The following ITGA8 variants were observed in gnomAD, a reference collection of about 807,000 sequenced individuals.
ITGA8 encodes integrin subunit alpha 8, also known as integrin alpha-8.
In ITGA8, 91 loss-of-function variants were observed where a neutral mutation model predicts 142.3. The observed-to-expected ratio is 0.64, with a 90% CI of 0.54 to 0.76. ITGA8 has a LOEUF of 0.76. Among genes scored for constraint, ITGA8 ranks in the 30% least tolerant of loss-of-function variants. The probability of loss-of-function intolerance (pLI) is 0.00; values close to 1 mark genes in which losing one functional copy is unlikely to be tolerated. For missense variants in ITGA8, 1,406 were observed against 1,327.7 expected (o/e 1.06, Z -0.92); for synonymous variants, 505 against 485.2 (o/e 1.04, Z -0.54).
chr10:15,689,687 G>A (rs572336362), intron 2 of ITGA8, among the ~76,000 whole-genome samples: 28 of 152,282 alleles, frequency 1.8e-4, no homozygotes, highest in African/African-American at 6.0e-4. Flanking sequence ...AGTGCATCCC[G>A]CTCTGGGGGC....
At chr10:15,710,060 A>T (rs1297024695) in intron 2 of ITGA8, among the ~76,000 whole-genome samples, 1 of 152,100 alleles carries the variant, frequency 6.6e-6, no homozygotes, top group East Asian at 1.9e-4. Flanking sequence ...TTCATTTAGA[A>T]TTTTTTTGTG....
At chr10:15,661,230 G>A (rs527835511) in intron 8 of ITGA8, among the ~76,000 whole-genome samples, 5 of 152,222 alleles carry the variant, frequency 3.3e-5, no homozygotes, top group South Asian at 2.1e-4. Context: ...GTGGCATTAT[G>A]TTCTCACCAG....
chr10:15,616,442 T>G, intron 14 of ITGA8, 72 bp downstream of exon 14: 2 of 1,159,966 alleles, frequency 1.7e-6, no homozygotes, highest in South Asian at 2.5e-5. Flanking sequence ...GAATGCTCTC[T>G]TTAAGGCAGA....
chr10:15,631,558 T>G (rs1833685770), intron 13 of ITGA8, among the ~76,000 whole-genome samples: 1 of 151,164 alleles, frequency 6.6e-6, no homozygotes. Context: ...ACATACCGGG[T>G]CCTGTTGAGG....
At chr10:15,631,791 C>T (rs1168743174) in intron 13 of ITGA8, among the ~76,000 whole-genome samples, 1 of 150,444 alleles carries the variant, frequency 6.6e-6, no homozygotes, top group East Asian at 1.9e-4. Context: ...CTAGCCCCAC[C>T]CCCCCCAAAA....
At chr10:15,620,160 A>G (rs1833462623) in intron 13 of ITGA8, among the ~76,000 whole-genome samples, 1 of 152,254 alleles carries the variant, frequency 6.6e-6, no homozygotes, top group African/African-American at 2.4e-5. Flanking sequence ...GACTTCATAA[A>G]TGCCTGATTA....
In ITGA8 at chr10:15,605,725, G is replaced by T. The variant is rs1005376594; in HGVS notation, c.1969C>A (p.Pro657Thr). 6.2e-7 allele frequency: 1 copy of T among 1,611,462 alleles called. No homozygotes were observed. The highest frequency in any genetic ancestry group is 2.2e-5 in the East Asian group (1 of 44,850). Residue 657 changes from proline to threonine, a missense_variant and splice_region_variant, in exon 19 of 30, where the codon CCA (proline) becomes ACA (threonine). Transcript: ENST00000378076. ...CVPDLKLSARPDKHQVIIGDE... is the reference protein window; with the variant it reads ...CVPDLKLSARTDKHQVIIGDE... Reference sequence around the variant, plus strand: ...ACACATTTAGTTATTTAAACTTACGGTCTAGCCGACAGCTTCAAGTCAGGA... The same window carrying T: ...ACACATTTAGTTATTTAAACTTACGTTCTAGCCGACAGCTTCAAGTCAGGA...
intron 23 of ITGA8, among the ~76,000 whole-genome samples, chr10:15,575,958 T>A (rs1834286254): frequency 6.6e-6 from 1 of 150,684 alleles, no homozygotes; most frequent in African/African-American, 2.5e-5. Context: ...TGTGTGTGTG[T>A]GTGTGAGTGT....
At chr10:15,639,401 C>G (rs926299462) in intron 13 of ITGA8, among the ~76,000 whole-genome samples, 1 of 152,194 alleles carries the variant, frequency 6.6e-6, no homozygotes, top group African/African-American at 2.4e-5. Flanking sequence ...GCACAGATCT[C>G]TCATCCCCAT....
intron 2 of ITGA8, among the ~76,000 whole-genome samples, chr10:15,704,928 G>C (rs577310151): frequency 1.3e-5 from 2 of 152,174 alleles, no homozygotes; most frequent in Admixed American, 6.5e-5. Flanking sequence ...TCTCATGCCT[G>C]CTGCCAAAAG....
At chr10:15,629,446 T>C (rs1202562666) in intron 13 of ITGA8, among the ~76,000 whole-genome samples, 2 of 152,040 alleles carry the variant, frequency 1.3e-5, no homozygotes, top group African/African-American at 4.8e-5. Context: ...TTATCTTATA[T>C]GAAAGGCAGG....
At chr10:15,700,021 A>G (rs1835132780) in intron 2 of ITGA8, among the ~76,000 whole-genome samples, 1 of 152,078 alleles carries the variant, frequency 6.6e-6, no homozygotes, top group Admixed American at 6.6e-5. Flanking sequence ...TCATTGATTC[A>G]TAATTCATAT....
chr10:15,580,027 A>G (rs1329322226), intron 23 of ITGA8, among the ~76,000 whole-genome samples: 2 of 151,620 alleles, frequency 1.3e-5, no homozygotes, highest in Non-Finnish European at 2.9e-5. Context: ...ATAAAATAGA[A>G]AAGAAAGAAA....
At chr10:15,568,285 T>C (rs1447987173) in intron 25 of ITGA8, among the ~76,000 whole-genome samples, 1 of 152,206 alleles carries the variant, frequency 6.6e-6, no homozygotes, top group African/African-American at 2.4e-5. Context: ...TGTCTGCCCC[T>C]GCCCCATCCC....
At chr10:15,578,309 G>A (rs559695154) in intron 23 of ITGA8, among the ~76,000 whole-genome samples, 1 of 151,968 alleles carries the variant, frequency 6.6e-6, no homozygotes, top group Non-Finnish European at 1.5e-5. Context: ...TTTTGACTCT[G>A]CATACTTCCC....
chr10:15,600,477 G>A (rs567752740), intron 20 of ITGA8, among the ~76,000 whole-genome samples: 2 of 152,188 alleles, frequency 1.3e-5, no homozygotes, highest in South Asian at 2.1e-4. Context: ...GAGGAGAAAC[G>A]GCTGGAACAA....
At chr10:15,546,575 G>A (rs1263201989) in intron 27 of ITGA8, among the ~76,000 whole-genome samples, 1 of 152,126 alleles carries the variant, frequency 6.6e-6, no homozygotes, top group Non-Finnish European at 1.5e-5. Context: ...GGTCAGGGGT[G>A]CTGCTAAGTA....
At chr10:15,679,110 G>A (rs188816340) in intron 4 of ITGA8, among the ~76,000 whole-genome samples, 2 of 152,048 alleles carry the variant, frequency 1.3e-5, no homozygotes, top group Admixed American at 1.3e-4. Context: ...TTCCCATGAG[G>A]CAATAACGTG....
chr10:15,695,732 A>G (rs1296721922), intron 2 of ITGA8, among the ~76,000 whole-genome samples: 2 of 152,222 alleles, frequency 1.3e-5, no homozygotes, highest in Non-Finnish European at 2.9e-5. Flanking sequence ...TTCTGAATGA[A>G]TGAGAGGCTC....
Sources: allele counts gnomAD v4.1 joint callset (sites outside exome capture counted in the v4.1 genomes callset), GRCh38; gene constraint gnomAD v4.1.1; transcripts MANE v1.5; gene names NCBI Gene and HGNC (gene_info 2026-07-23, HGNC 2026-07-21).